Variants in NELL1 observed in about 807,000 individuals in gnomAD.
NELL1 encodes neural EGFL like 1, also known as protein kinase C-binding protein NELL1.
In NELL1, 76 loss-of-function variants were observed where a neutral mutation model predicts 107.4. The observed-to-expected ratio is 0.71, with a 90% CI of 0.59 to 0.86. The LOEUF (loss-of-function observed/expected upper bound fraction) is 0.86. NELL1 is among the 40% of genes least tolerant of loss of function. The pLI is 0.00. For missense variants in NELL1, 1,024 were observed against 1,005.5 expected (o/e 1.02, Z -0.25); for synonymous variants, 353 against 341.2 (o/e 1.03, Z -0.38).
intron 5 of NELL1, among the ~76,000 whole-genome samples, chr11:20,912,922 C>T (rs1237420193): frequency 1.3e-5 from 2 of 152,124 alleles, no homozygotes; most frequent in Non-Finnish European, 2.9e-5. Flanking sequence ...GAATCTTACA[C>T]ATTTGAAGAT....
intron 13 of NELL1, among the ~76,000 whole-genome samples, chr11:21,215,521 G>A (rs1198397374): frequency 6.6e-6 from 1 of 152,138 alleles, no homozygotes; most frequent in East Asian, 1.9e-4. Context: ...GAAGAAGATT[G>A]GAAACTATGG....
rs1187991523 is a variant in NELL1 at position 21,453,034 on chromosome 11, G to T, written c.1646-81340G>T. Reference sequence around the variant, plus strand: ...TTTTGTCATAGAACATTCTCTGTATGATTTAAATCATTTAATATTTACTGA... The same window carrying T: ...TTTTGTCATAGAACATTCTCTGTATTATTTAAATCATTTAATATTTACTGA... On this transcript the variant is annotated intron_variant, in intron 15 of 19. Transcript: ENST00000357134. Among the ~76,000 whole-genome samples the T allele has an allele frequency of 5.3e-5, 8 of 151,678 alleles. No individual in the cohort carries two copies. In the East Asian group the frequency reaches 1.4e-3, roughly 26 times the overall value.
chr11:21,525,484 G>T (rs1855828427), intron 15 of NELL1, among the ~76,000 whole-genome samples: 1 of 152,146 alleles, frequency 6.6e-6, no homozygotes. Flanking sequence ...GTACAAAGAG[G>T]TTCCTTAAAC....
At chr11:20,671,803 G>A (rs1421261870) in intron 1 of NELL1, among the ~76,000 whole-genome samples, 3 of 152,050 alleles carry the variant, frequency 2.0e-5, no homozygotes, top group African/African-American at 7.2e-5. Context: ...AGGAGTATAA[G>A]TTTGTATTAA....
At chr11:20,827,320 A>G (rs1857905709) in intron 3 of NELL1, among the ~76,000 whole-genome samples, 1 of 151,294 alleles carries the variant, frequency 6.6e-6, no homozygotes, top group Non-Finnish European at 1.5e-5. Context: ...ATGAAGCAGG[A>G]GAAAGTAAGT....
At chr11:21,069,134 G>T (rs1001182290) in intron 12 of NELL1, among the ~76,000 whole-genome samples, 6 of 152,150 alleles carry the variant, frequency 3.9e-5, no homozygotes, top group Non-Finnish European at 7.3e-5. Context: ...CGAACAGAAG[G>T]CCTTAGAATT....
rs138752438 is a variant in NELL1, at chr11:21,575,473, G to A, written c.*451G>A. 7.1e-3 allele frequency: 1,169 copies of A among 165,024 alleles called. 4 individuals carry two copies. The highest frequency in any genetic ancestry group is 0.01 in the Non-Finnish European group (785 of 75,578). The allele number at this position is 165,024 out of a possible 1,614,324, so 10.2% of individuals were successfully genotyped here. Reference sequence around the variant, plus strand: ...TGTTGTGACTTTTGTCCCATCTACTGCATACTTAGTGCTGAGATCCCTGTA... The same window carrying A: ...TGTTGTGACTTTTGTCCCATCTACTACATACTTAGTGCTGAGATCCCTGTA... On this transcript the variant is annotated 3_prime_UTR_variant, in exon 20 of 20. Coordinates refer to ENST00000357134, the MANE Select transcript of NELL1 (RefSeq NM_006157.5).
At chr11:21,340,018 G>C (rs1002709424) in intron 14 of NELL1, among the ~76,000 whole-genome samples, 8 of 152,200 alleles carry the variant, frequency 5.3e-5, no homozygotes, top group Admixed American at 2.0e-4. Flanking sequence ...AAACTGTTCA[G>C]AGATGCAGAG....
intron 2 of NELL1, among the ~76,000 whole-genome samples, chr11:20,731,240 A>T (rs1459064875): frequency 6.6e-6 from 1 of 152,230 alleles, no homozygotes; most frequent in African/African-American, 2.4e-5. Flanking sequence ...GAATGTCTTG[A>T]CACCTTGACA....
chr11:20,796,450 G>A (rs1857170963), intron 3 of NELL1, among the ~76,000 whole-genome samples: 1 of 152,102 alleles, frequency 6.6e-6, no homozygotes, highest in Admixed American at 6.5e-5. Flanking sequence ...TTTCCTCAAT[G>A]AGATACAACA....
At chr11:21,149,010 G>A (rs913036090) in intron 13 of NELL1, among the ~76,000 whole-genome samples, 3 of 152,128 alleles carry the variant, frequency 2.0e-5, no homozygotes, top group African/African-American at 4.8e-5. Context: ...CTCACAGCCT[G>A]CAGAAAAGAG....
rs16907474 is a variant in NELL1, at chr11:21,099,441, G to C, written c.1301-14148G>C. Among the ~76,000 whole-genome samples, 1,437 of 152,246 alleles carry C rather than the reference G, an allele frequency of 9.4e-3. 19 individuals carry two copies. The highest frequency in any genetic ancestry group is 0.031 in the African/African-American group (1,308 of 41,528). On this transcript the variant is annotated intron_variant, in intron 12 of 19. Coordinates refer to ENST00000357134, the MANE Select transcript of NELL1 (RefSeq NM_006157.5). Reference sequence around the variant, plus strand: ...AAGGGACAGTCAAGGGGCATTGGCTGGCTCGGTGGATGAGTCAGGGTAATC... The same window carrying C: ...AAGGGACAGTCAAGGGGCATTGGCTCGCTCGGTGGATGAGTCAGGGTAATC...
chr11:21,143,788 G>C (rs1855917684), intron 13 of NELL1, among the ~76,000 whole-genome samples: 1 of 152,166 alleles, frequency 6.6e-6, no homozygotes, highest in Non-Finnish European at 1.5e-5. Context: ...CCTGTAGACA[G>C]ATTCTCCATT....
intron 12 of NELL1, among the ~76,000 whole-genome samples, chr11:21,046,172 T>G (rs1362507762): frequency 6.6e-6 from 1 of 152,212 alleles, no homozygotes; most frequent in Non-Finnish European, 1.5e-5. Context: ...AAAAATGTTT[T>G]GAGCAACCTG....
chr11:21,370,085 G>A (rs180761956), intron 14 of NELL1, among the ~76,000 whole-genome samples: 2 of 151,944 alleles, frequency 1.3e-5, no homozygotes, highest in African/African-American at 4.8e-5. Flanking sequence ...CTATTGCAAT[G>A]GAGAGGTTCA....
At chr11:20,729,211 T>C (rs922098979) in intron 2 of NELL1, among the ~76,000 whole-genome samples, 1 of 152,106 alleles carries the variant, frequency 6.6e-6, no homozygotes, top group Non-Finnish European at 1.5e-5. Flanking sequence ...CTTTTGGCAG[T>C]GTTTTTAGGG....
chr11:21,370,966 A>G lies in NELL1; in HGVS notation c.1645+18A>G. On this transcript the variant is annotated intron_variant, in intron 15 of 19. Coordinates refer to ENST00000357134, the MANE Select transcript of NELL1 (RefSeq NM_006157.5). ...CGAGAAAGGTAATCTAGCTTGTTTT[A>G]TGGGGGATAGGGACAAAGATTGGTA... is the stretch of plus-strand genomic sequence containing the variant. 6.4e-7 allele frequency: 1 copy of G among 1,571,746 alleles called. No individual in the cohort carries two copies. Among genetic ancestry groups the G allele is most frequent in the Non-Finnish European group, 8.7e-7 (1 of 1,145,442 alleles).
At chr11:21,253,170 G>A (rs1858682639) in intron 14 of NELL1, among the ~76,000 whole-genome samples, 1 of 152,002 alleles carries the variant, frequency 6.6e-6, no homozygotes. Flanking sequence ...ATGCCCTGGG[G>A]GAAGGACATA....
intron 13 of NELL1, among the ~76,000 whole-genome samples, chr11:21,135,422 G>T (rs1339757026): frequency 6.6e-6 from 1 of 152,152 alleles, no homozygotes; most frequent in Non-Finnish European, 1.5e-5. Flanking sequence ...GATGATTCAG[G>T]AGGCGTTTTG....
Sources: allele counts gnomAD v4.1 joint callset (sites outside exome capture counted in the v4.1 genomes callset), GRCh38; gene constraint gnomAD v4.1.1; transcripts MANE v1.5; gene names NCBI Gene and HGNC (gene_info 2026-07-23, HGNC 2026-07-21).